The following RPS6KC1 variants were observed in gnomAD, a reference collection of about 807,000 sequenced individuals.
RPS6KC1 encodes ribosomal protein S6 kinase C1, also known as inactive ribosomal protein S6 kinase delta-1.
A neutral mutation model predicts 103.8 loss-of-function variants in RPS6KC1; 54 were observed. The ratio of observed to expected loss-of-function variants is 0.52; its 90% confidence interval spans 0.42 to 0.65. The LOEUF (loss-of-function observed/expected upper bound fraction) is 0.65, where lower values mean the gene tolerates loss of function less well. Ranked by LOEUF, RPS6KC1 falls within the 30% of genes least tolerant of loss-of-function variation. RPS6KC1 has a pLI of 0.00. For missense variants in RPS6KC1, 1,151 were observed against 1,253.8 expected (o/e 0.92, Z 1.24); for synonymous variants, 439 against 438.7 (o/e 1.00, Z -0.01).
intron 6 of RPS6KC1, among the ~76,000 whole-genome samples, chr1:213,163,655 C>G (rs1327699557): frequency 6.6e-6 from 1 of 151,484 alleles, no homozygotes. Context: ...TTATTAGTTC[C>G]ATGAGTAAAA....
chr1:213,478,231 C>T, the RPS6KC1 span, among the ~76,000 whole-genome samples: 7 of 152,088 alleles, frequency 4.6e-5, no homozygotes, highest in Middle Eastern at 3.4e-3. Flanking sequence ...TTCCATTGTC[C>T]GAATGTACCA....
At chr1:213,590,726 GACTA>G in the RPS6KC1 span, among the ~76,000 whole-genome samples, 3 of 152,106 alleles carry the variant, frequency 2.0e-5, no homozygotes, top group Non-Finnish European at 4.4e-5. Flanking sequence ...TTCCAGAGAG[GACTA>G]ACATCCTAGG....
At chr1:213,086,033 T>C (rs1480412172) in intron 3 of RPS6KC1, among the ~76,000 whole-genome samples, 1 of 152,188 alleles carries the variant, frequency 6.6e-6, no homozygotes, top group East Asian at 1.9e-4. Flanking sequence ...CAAGGAACCC[T>C]AGTTGCTTTT....
the RPS6KC1 span, among the ~76,000 whole-genome samples, chr1:213,445,794 C>T: frequency 6.6e-6 from 1 of 152,206 alleles, no homozygotes; most frequent in South Asian, 2.1e-4. Flanking sequence ...TTGCTGCAGG[C>T]TGACTGCTAA....
At chr1:213,561,572 C>A in the RPS6KC1 span, among the ~76,000 whole-genome samples, 109 of 152,214 alleles carry the variant, frequency 7.2e-4, no homozygotes, top group African/African-American at 2.6e-3. Context: ...AGGGTACAGA[C>A]AGCTGGGCTC....
chr1:213,146,380 T>C (rs2087828360), intron 6 of RPS6KC1, among the ~76,000 whole-genome samples: 1 of 151,948 alleles, frequency 6.6e-6, no homozygotes, highest in Non-Finnish European at 1.5e-5. Context: ...TTTGATACAC[T>C]GATTTCCTTT....
chr1:213,622,324 G>T, the RPS6KC1 span, among the ~76,000 whole-genome samples: 3 of 151,512 alleles, frequency 2.0e-5, no homozygotes, highest in Non-Finnish European at 4.4e-5. Flanking sequence ...AGTCGTGGAG[G>T]CCAGTGGCTT....
At chr1:213,330,063 C>T in the RPS6KC1 span, among the ~76,000 whole-genome samples, 1 of 152,220 alleles carries the variant, frequency 6.6e-6, no homozygotes, top group South Asian at 2.1e-4. Flanking sequence ...AGATGGAAGC[C>T]CATTCACACT....
intron 12 of RPS6KC1, 52 bp downstream of exon 12, chr1:213,242,710 T>G: frequency 1.6e-6 from 2 of 1,276,406 alleles, no homozygotes; most frequent in Non-Finnish European, 2.2e-6. Context: ...TCGGCAGCTC[T>G]CATTTCTTTA....
chr1:213,465,698 ACT>A, the RPS6KC1 span, among the ~76,000 whole-genome samples: 1 of 151,972 alleles, frequency 6.6e-6, no homozygotes, highest in South Asian at 2.1e-4. Flanking sequence ...CAAAATATAA[ACT>A]CTGTGTTAGG....
downstream of RPS6KC1, among the ~76,000 whole-genome samples, chr1:213,275,568 A>G (rs1008199459): frequency 6.6e-6 from 1 of 152,244 alleles, no homozygotes; most frequent in Non-Finnish European, 1.5e-5. Context: ...TCAACTTGTT[A>G]TAATGACAAC....
At chr1:213,663,025 A>C in the RPS6KC1 span, among the ~76,000 whole-genome samples, 1 of 152,164 alleles carries the variant, frequency 6.6e-6, no homozygotes. Flanking sequence ...CCACTCTGAG[A>C]TTTATTATAG....
At chr1:213,267,676 C>CA (rs1402895543) in intron 14 of RPS6KC1, among the ~76,000 whole-genome samples, 4 of 151,338 alleles carry the variant, frequency 2.6e-5, no homozygotes, top group African/African-American at 9.7e-5. Context: ...GAAAGTATGA[C>CA]AAAAATGAAT....
chr1:213,063,160 T>C (rs2077999643), intron 1 of RPS6KC1, among the ~76,000 whole-genome samples: 1 of 152,230 alleles, frequency 6.6e-6, no homozygotes, highest in South Asian at 2.1e-4. Context: ...AAGCCCCTTG[T>C]TTATTTTCTG....
chr1:213,807,399 C>T, the RPS6KC1 span, among the ~76,000 whole-genome samples: 79 of 152,298 alleles, frequency 5.2e-4, no homozygotes, highest in Middle Eastern at 3.4e-3. Flanking sequence ...CCATTCTCCC[C>T]GTCACTTTCA....
the RPS6KC1 span, among the ~76,000 whole-genome samples, chr1:213,513,880 A>G: frequency 6.6e-6 from 1 of 152,210 alleles, no homozygotes; most frequent in African/African-American, 2.4e-5. Flanking sequence ...CTTAATAGCC[A>G]TGAATAGAAT....
intron 1 of RPS6KC1, among the ~76,000 whole-genome samples, chr1:213,069,266 G>T (rs1428486185): frequency 6.6e-6 from 1 of 152,098 alleles, no homozygotes; most frequent in Non-Finnish European, 1.5e-5. Flanking sequence ...ATTACTACAA[G>T]ATTTCACCAA....
At chr1:213,356,661 AAAAC>A in the RPS6KC1 span, among the ~76,000 whole-genome samples, 1 of 151,916 alleles carries the variant, frequency 6.6e-6, no homozygotes, top group African/African-American at 2.4e-5. Context: ...CATCTCAAGA[AAAAC>A]AAACAAAATA....
At chr1:213,769,317 A>G in the RPS6KC1 span, among the ~76,000 whole-genome samples, 1 of 152,156 alleles carries the variant, frequency 6.6e-6, no homozygotes, top group Non-Finnish European at 1.5e-5. Context: ...ATACTTTCCT[A>G]AACTCAAATG....
Sources: allele counts gnomAD v4.1 joint callset (sites outside exome capture counted in the v4.1 genomes callset), GRCh38; gene constraint gnomAD v4.1.1; transcripts MANE v1.5; gene names NCBI Gene and HGNC (gene_info 2026-07-23, HGNC 2026-07-21).